The following ATP6V0A1 variants were observed in gnomAD, a reference collection of about 807,000 sequenced individuals.
ATP6V0A1 encodes the protein ATPase H+ transporting V0 subunit a1, also known as V-type proton ATPase 116 kDa subunit a 1.
ATP6V0A1 carries 43 observed loss-of-function variants against 105.4 expected under a neutral mutation model. The observed-to-expected ratio is 0.41, with a 90% CI of 0.32 to 0.53. ATP6V0A1 has a LOEUF of 0.53. ATP6V0A1 is among the 20% of genes least tolerant of loss of function. The pLI is 0.30. For synonymous variants in ATP6V0A1, 362 were observed against 372.8 expected (o/e 0.97, Z 0.33); for missense variants, 676 against 1,051.1 (o/e 0.64, Z 4.93).
In ATP6V0A1 at chr17:42,483,035, C is replaced by T; in HGVS notation, c.717-3C>T. The T allele has an allele frequency of 6.8e-7, 1 of 1,468,648 alleles. No individual in the cohort carries two copies. Among genetic ancestry groups the T allele is most frequent in the South Asian group, 1.5e-5 (1 of 65,580 alleles). 91.0% of individuals were successfully genotyped at this position (1,468,648 alleles called of 1,614,324 possible). Reference sequence around the variant, plus strand: ...AAGAAACTTCGATGTTCTTATATTCCAGGTTCCGAGCCTCACTCTATCCCT... The same window carrying T: ...AAGAAACTTCGATGTTCTTATATTCTAGGTTCCGAGCCTCACTCTATCCCT... On this transcript the variant is annotated splice_region_variant and splice_polypyrimidine_tract_variant and intron_variant, in intron 8 of 21. Transcript: ENST00000343619.
intron 21 of ATP6V0A1, chr17:42,520,786 A>G (rs2092811641): frequency 3.9e-6 from 2 of 508,912 alleles, no homozygotes; most frequent in Non-Finnish European, 7.2e-6. Context: ...GCATAAACAC[A>G]CTGCTCGGCA....
intron 3 of ATP6V0A1, among the ~76,000 whole-genome samples, chr17:42,467,328 A>G (rs1185808785): frequency 6.6e-6 from 1 of 152,202 alleles, no homozygotes; most frequent in Non-Finnish European, 1.5e-5. Flanking sequence ...ATAAACAGTT[A>G]TGATGGAATC....
intron 8 of ATP6V0A1, 107 bp from the exon 9 acceptor site, chr17:42,482,931 C>T (rs943817875): frequency 2.9e-6 from 1 of 340,982 alleles, no homozygotes; most frequent in African/African-American, 2.2e-5. Context: ...TGACTTAATA[C>T]ATCGGTCTGA....
Position 42,495,731 on chromosome 17 carries a change from T to G in ATP6V0A1, c.1560+15T>G. 6.3e-7 allele frequency: 1 copy of G among 1,594,752 alleles called. No individual in the cohort carries two copies. The highest frequency in any genetic ancestry group is 8.6e-7 in the Non-Finnish European group (1 of 1,162,610). On this transcript the variant is annotated intron_variant, in intron 14 of 21. Coordinates refer to ENST00000343619, the MANE Select transcript of ATP6V0A1 (RefSeq NM_001130021.3). ...GCATTGATCCAGTAAGAGGACTTCCTTCCTATATGCTAACCTCAAATTTTT... is the reference window on the plus strand; with the variant it reads ...GCATTGATCCAGTAAGAGGACTTCCGTCCTATATGCTAACCTCAAATTTTT...
intron 1 of ATP6V0A1, chr17:42,460,106 A>G (rs116133162): frequency 4.3e-4 from 65 of 152,318 alleles, no homozygotes; most frequent in African/African-American, 1.5e-3. Flanking sequence ...AATGTAATTA[A>G]TCTTGAAGGT....
chr17:42,497,755 T>G (rs2091313490), intron 14 of ATP6V0A1, among the ~76,000 whole-genome samples: 1 of 151,536 alleles, frequency 6.6e-6, no homozygotes, highest in South Asian at 2.1e-4. Context: ...AAATAAGTCC[T>G]GGCCGGGCGC....
chr17:42,516,491 C>T (rs1387287608), intron 21 of ATP6V0A1, among the ~76,000 whole-genome samples: 1 of 152,230 alleles, frequency 6.6e-6, no homozygotes, highest in Non-Finnish European at 1.5e-5. Context: ...AGCACACTTC[C>T]TCAGCCCTCC....
chr17:42,462,044 CAAA>C (rs1040242459), intron 2 of ATP6V0A1, among the ~76,000 whole-genome samples: 2 of 52,900 alleles, frequency 3.8e-5, no homozygotes, highest in African/African-American at 7.4e-5. Context: ...CCGTCTCTGC[CAAA>C]AAAAAAAAAA....
chr17:42,464,593 C>T (rs1321593226), intron 2 of ATP6V0A1, among the ~76,000 whole-genome samples: 20 of 151,868 alleles, frequency 1.3e-4, no homozygotes, highest in African/African-American at 4.6e-4. Context: ...TCAGTAGAGA[C>T]GGGGTTTCAC....
At chr17:42,477,287 A>G (rs2088876866) in intron 5 of ATP6V0A1, among the ~76,000 whole-genome samples, 1 of 152,244 alleles carries the variant, frequency 6.6e-6, no homozygotes, top group Non-Finnish European at 1.5e-5. Flanking sequence ...ATCTACATGC[A>G]GAGGTATTTC....
intron 2 of ATP6V0A1, among the ~76,000 whole-genome samples, chr17:42,463,897 A>G (rs1312988995): frequency 2.0e-5 from 3 of 152,214 alleles, no homozygotes; most frequent in African/African-American, 7.2e-5. Flanking sequence ...AGAAAAGAAA[A>G]TACTGTTAAG....
chr17:42,513,959 C>G lies in ATP6V0A1; in HGVS notation c.2229C>G (p.Ala743=). The G allele has an allele frequency of 6.2e-7, 1 of 1,614,142 alleles. No individual in the cohort carries two copies. The change falls in exon 20 of 22, where the codon GCC becomes GCG. Residue 743 remains alanine, a synonymous_variant. Coordinates refer to ENST00000343619, the MANE Select transcript of ATP6V0A1 (RefSeq NM_001130021.3). ...CTGCCTCCTACTTGCGGCTCTGGGC[C>G]CTCAGCCTCGCTCATGCGCGTGAGT... The part of the protein sequence containing the change: ...SNTASYLRLW[A]LSLAHAQLSE...
chr17:42,495,836 C>CCAG, intron 14 of ATP6V0A1, 120 bp downstream of exon 14: 3 of 873,706 alleles, frequency 3.4e-6, no homozygotes, highest in Non-Finnish European at 3.6e-6. Flanking sequence ...TCGCTCATGC[C>CCAG]TGTAATCCCA....
chr17:42,490,627 G>A lies in ATP6V0A1; in HGVS notation c.1164G>A (p.Glu388=). The A allele has an allele frequency of 2.5e-6, 4 of 1,584,628 alleles. No homozygotes were observed. The highest frequency in any genetic ancestry group is 3.4e-6 in the Non-Finnish European group (4 of 1,171,788). The change falls in exon 11 of 22, where the codon GAG becomes GAA. Residue 388 remains glutamate (E), a synonymous_variant. Transcript: ENST00000343619. ...VDAYGIGTYR[E]INPAPYTIIT... is the part of the protein sequence containing the mutation. ...CTTATGGAATTGGAACTTACCGAGA[G>A]ATAAATCCAGGTAAAAAAAAGCTTG...
rs1482791268 is a variant in ATP6V0A1 at position 42,500,766 on chromosome 17, C to T, written c.1739C>T (p.Thr580Ile). Reference protein sequence around the residue: ...FGFIPEIIFMTSLFGYLVILI... With the variant: ...FGFIPEIIFMISLFGYLVILI... ...TTTATTCCTGAAATAATCTTCATGACCTCTTTGTTTGGCTATTTGGTTATC... is the reference window on the plus strand; with the variant it reads ...TTTATTCCTGAAATAATCTTCATGATCTCTTTGTTTGGCTATTTGGTTATC... The change falls in exon 16 of 22, where the codon ACC becomes ATC. Residue 580 changes from threonine (T) to isoleucine (I), a missense_variant. Transcript: ENST00000343619. 4 of 1,613,856 alleles carry T rather than the reference C, an allele frequency of 2.5e-6. No homozygotes were observed. Among genetic ancestry groups the T allele is most frequent in the Admixed American group, 1.7e-5 (1 of 60,000 alleles).
Position 42,499,046 on chromosome 17 carries a change from AGTT to A in ATP6V0A1, c.1679+8_1679+10del. The A allele has an allele frequency of 6.4e-7, 1 of 1,568,632 alleles. No homozygotes were observed. Among genetic ancestry groups the A allele is most frequent in the Non-Finnish European group, 8.8e-7 (1 of 1,141,138 alleles). Reference sequence around the variant, plus strand: ...GCCTGAGTCTGTTCAACCATATGTGAGTTGTTCCATTTCTGTCATAAGAATGTG... The same window carrying A: ...GCCTGAGTCTGTTCAACCATATGTGAGTTCCATTTCTGTCATAAGAATGTG... On this transcript the variant is annotated splice_donor_5th_base_variant and intron_variant, in intron 15 of 21. Coordinates refer to ENST00000343619, the MANE Select transcript of ATP6V0A1 (RefSeq NM_001130021.3).
In ATP6V0A1 at chr17:42,478,569, C is replaced by G. The variant is rs1343218626; in HGVS notation, c.613C>G (p.Pro205Ala). 3.1e-6 allele frequency: 5 copies of G among 1,591,062 alleles called. No homozygotes were observed. The South Asian group carries it at 5.6e-5, about 18-fold the overall frequency. Residue 205 changes from proline to alanine, a missense_variant, in exon 7 of 22, where the codon CCC (proline) becomes GCC (alanine). Coordinates refer to ENST00000343619, the MANE Select transcript of ATP6V0A1 (RefSeq NM_001130021.3). ...CCTGCGACAGGCTGAAATCGAGAAC[C>G]CCCTGGAGGATCCTGTGACTGTAAG... ...VFLRQAEIEN[P>A]LEDPVTGDYV... is the part of the protein sequence containing the mutation.
intron 3 of ATP6V0A1, 135 bp downstream of exon 3, chr17:42,466,642 T>C (rs1027211635): frequency 1.4e-5 from 10 of 720,684 alleles, no homozygotes; most frequent in Admixed American, 5.3e-5. Flanking sequence ...GATGCCAAGG[T>C]GTATTTCTCG....
chr17:42,501,723 A>G (rs1003513976), intron 17 of ATP6V0A1, among the ~76,000 whole-genome samples: 5 of 151,278 alleles, frequency 3.3e-5, no homozygotes, highest in Non-Finnish European at 7.4e-5. Context: ...ACAAATCTGT[A>G]TACTATTAAA....
Sources: gnomAD v4.1 joint callset for allele counts (sites outside exome capture counted in the v4.1 genomes callset) on GRCh38, gnomAD v4.1.1 for gene constraint, MANE v1.5 for transcripts, NCBI Gene and HGNC (gene_info 2026-07-23, HGNC 2026-07-21) for gene names.